The following ZSWIM5 variants were observed in gnomAD, a reference collection of about 807,000 sequenced individuals.
The protein encoded by ZSWIM5 is zinc finger SWIM domain-containing protein 5.
In ZSWIM5, 55 loss-of-function variants were observed where a neutral mutation model predicts 119.6. The observed-to-expected ratio is 0.46, with a 90% confidence interval of 0.37 to 0.58. The LOEUF is 0.58. Among genes scored for constraint, ZSWIM5 ranks in the 20% least tolerant of loss-of-function variants. The pLI is 0.00. For synonymous variants in ZSWIM5, 537 were observed against 606.9 expected (o/e 0.88, Z 1.69); for missense variants, 1,193 against 1,512.8 (o/e 0.79, Z 3.51).
chr1:45,106,572 C>T (rs1645480634), intron 1 of ZSWIM5, among the ~76,000 whole-genome samples: 2 of 150,590 alleles, frequency 1.3e-5, no homozygotes, highest in South Asian at 4.3e-4. Context: ...GCCCAGCTGC[C>T]ACCCTGTCTG....
chr1:45,053,736 C>T lies in ZSWIM5; in HGVS notation c.1253-2483G>A, dbSNP rs146289106. ...CAAGATTGAACTACTGCACTCCAGC[C>T]TGGGCGACAGAGCGAGACTCTGTTT... is the stretch of plus-strand genomic sequence containing the variant. On this transcript the variant is annotated intron_variant, in intron 4 of 13. Coordinates refer to ENST00000359600, the MANE Select transcript of ZSWIM5 (RefSeq NM_020883.2). 7.9e-3 allele frequency among the ~76,000 whole-genome samples: 933 copies of T among 117,686 alleles called. 13 individuals carry two copies. Among genetic ancestry groups the T allele is most frequent in the African/African-American group, 0.029 (908 of 31,012 alleles). The allele number at this position is 117,686 out of a possible 152,430, so 77.2% of individuals were successfully genotyped here.
chr1:45,028,860 ATTAC>A (rs2148989037), intron 11 of ZSWIM5, among the ~76,000 whole-genome samples: 1 of 152,300 alleles, frequency 6.6e-6, no homozygotes, highest in African/African-American at 2.4e-5. Context: ...AGGTGGGAGG[ATTAC>A]TTGAGGCCAG....
At chr1:45,061,582 G>T (rs1295596471) in intron 2 of ZSWIM5, among the ~76,000 whole-genome samples, 1 of 151,446 alleles carries the variant, frequency 6.6e-6, no homozygotes, top group Non-Finnish European at 1.5e-5. Context: ...TGTTGGCCAG[G>T]CTGGTCTCAA....
chr1:45,019,188 G>A lies in ZSWIM5; in HGVS notation c.2824C>T (p.Gln942Ter). The change falls in exon 14 of 14, where the codon CAG becomes TAG. Residue 942 changes from glutamine to a stop codon, truncating the protein, a stop_gained. Transcript: ENST00000359600. LOFTEE classifies it high-confidence loss of function. The surrounding 1 kb of genome is among the most constrained non-coding windows in gnomAD (Gnocchi z 5.0). ...TILRLSLDYP[Q>*]REELASCART... ...GCACAGCTAGCCAGTTCCTCCCGCT[G>A]TGGATAGTCAAGACTGAGGCGCAGG... The A allele has an allele frequency of 6.2e-7, 1 of 1,613,712 alleles. No individual in the cohort carries two copies. The highest frequency in any genetic ancestry group is 1.1e-5 in the South Asian group (1 of 91,054).
chr1:45,073,311 T>C (rs547386387), intron 2 of ZSWIM5, among the ~76,000 whole-genome samples: 36 of 137,330 alleles, frequency 2.6e-4, no homozygotes, highest in Non-Finnish European at 4.6e-4. Context: ...TGGCTGGAGT[T>C]GCAGTGGCAC....
rs558640581 is a variant in ZSWIM5, at chr1:45,081,917, C to T, written c.952+5964G>A. On this transcript the variant is annotated intron_variant, in intron 2 of 13. Transcript: ENST00000359600. ...AAAGGTGGGGAAAAGATTGAGAAAT[C>T]GGATGGTTGCCGTGTCTGTGTAGAA... is the stretch of plus-strand genomic sequence containing the variant. Among the ~76,000 whole-genome samples, 703 of 152,018 alleles carry T rather than the reference C, an allele frequency of 4.6e-3. 8 individuals carry two copies. The highest frequency in any genetic ancestry group is 0.016 in the African/African-American group (664 of 41,450).
At chr1:45,094,166 C>T (rs1309604956) in intron 1 of ZSWIM5, among the ~76,000 whole-genome samples, 2 of 151,846 alleles carry the variant, frequency 1.3e-5, no homozygotes, top group African/African-American at 4.8e-5. Context: ...AGTGATTCTC[C>T]CACCTCAGCC....
rs1394852225 is a variant in ZSWIM5, at chr1:45,206,110, G to A, written c.241C>T (p.Arg81Trp). ...ATCCGCTCGAAGCGCTCCTCCACCCGTTCGTATGCCCACTTTTCCGCCACC... is the reference window on the plus strand; with the variant it reads ...ATCCGCTCGAAGCGCTCCTCCACCCATTCGTATGCCCACTTTTCCGCCACC... ...KTVAEKWAYERVEERFERIPE... is the reference protein window; with the variant it reads ...KTVAEKWAYEWVEERFERIPE... The change falls in exon 1 of 14, where the codon CGG becomes TGG. Residue 81 changes from arginine (R) to tryptophan (W), a missense_variant. Physicochemically the swap from Arg to Trp is moderately radical, Grantham distance 101. Transcript: ENST00000359600. The A allele has an allele frequency of 1.2e-6, 2 of 1,611,502 alleles. No homozygotes were observed. The highest frequency in any genetic ancestry group is 2.7e-5 in the African/African-American group (2 of 74,804).
At chr1:45,070,653 C>A (rs1645216365) in intron 2 of ZSWIM5, among the ~76,000 whole-genome samples, 1 of 151,976 alleles carries the variant, frequency 6.6e-6, no homozygotes, top group Admixed American at 6.6e-5. Flanking sequence ...TTTGTATTTC[C>A]CCCAAATTGT....
intron 4 of ZSWIM5, among the ~76,000 whole-genome samples, chr1:45,052,206 A>C (rs917549171): frequency 6.7e-6 from 1 of 149,570 alleles, no homozygotes; most frequent in African/African-American, 2.5e-5. Flanking sequence ...TTGTATTTTT[A>C]GTAGAGATGA....
Position 45,196,211 on chromosome 1 carries a change from C to T in ZSWIM5, c.595+9545G>A, listed in dbSNP as rs142686728. Among the ~76,000 whole-genome samples, 313 of 151,176 alleles carry T rather than the reference C, an allele frequency of 2.1e-3. 4 individuals are homozygous for T. The highest frequency in any genetic ancestry group is 6.8e-3 in the Middle Eastern group (2 of 292). ...TTTCTACAACGGCATTTCTCAACCT[C>T]GGCTGCATATAAAATTACCTGGGAG... On this transcript the variant is annotated intron_variant, in intron 1 of 13. Coordinates refer to ENST00000359600, the MANE Select transcript of ZSWIM5 (RefSeq NM_020883.2).
At chr1:45,167,027 C>T (rs1306287624) in intron 1 of ZSWIM5, among the ~76,000 whole-genome samples, 1 of 152,046 alleles carries the variant, frequency 6.6e-6, no homozygotes, top group East Asian at 1.9e-4. Flanking sequence ...CAATCCTAAG[C>T]CAAAAGAACA....
Position 45,206,098 on chromosome 1 carries a change from G to C in ZSWIM5, c.253C>G (p.Arg85Gly). ...ACGGGCTCCGGGATCCGCTCGAAGC[G>C]CTCCTCCACCCGTTCGTATGCCCAC... The part of the protein sequence containing the change: ...EKWAYERVEE[R>G]FERIPEPVQR... Residue 85 changes from arginine to glycine, a missense_variant, in exon 1 of 14, where the codon CGC becomes GGC. This residue lies in a region of ZSWIM5 where 232 missense variants were observed against 222.9 expected (regional missense o/e 1.04). Transcript: ENST00000359600. 6.2e-7 allele frequency: 1 copy of C among 1,611,736 alleles called. No homozygotes were observed. The highest frequency in any genetic ancestry group is 8.5e-7 in the Non-Finnish European group (1 of 1,179,396).
In ZSWIM5 at chr1:45,088,157, C is replaced by T. The variant is rs1420616005; in HGVS notation, c.676G>A (p.Asp226Asn). The change falls in exon 2 of 14, where the codon GAT (aspartate) becomes AAT (asparagine). Residue 226 changes from aspartate (D) to asparagine (N), a missense_variant. Transcript: ENST00000359600. The surrounding 1 kb of genome is among the most constrained non-coding windows in gnomAD (Gnocchi z 4.2). ...AVTYKVAISFDRCKITSVTCG... is the reference protein window; with the variant it reads ...AVTYKVAISFNRCKITSVTCG... The stretch of plus-strand genomic sequence containing the variant: ...GTCACTGAGGTGATTTTGCATCGAT[C>T]AAAACTGATTGCAACTTTATAAGTC... 1.2e-5 allele frequency: 19 copies of T among 1,614,024 alleles called. No individual in the cohort carries two copies. The highest frequency in any genetic ancestry group is 1.7e-5 in the Admixed American group (1 of 60,006).
intron 1 of ZSWIM5, among the ~76,000 whole-genome samples, chr1:45,187,297 C>G (rs1646064986): frequency 6.6e-6 from 1 of 152,056 alleles, no homozygotes; most frequent in Non-Finnish European, 1.5e-5. Context: ...GAAATAAACT[C>G]ATTTATGGTT....
chr1:45,138,866 T>C (rs1345929885), intron 1 of ZSWIM5, among the ~76,000 whole-genome samples: 1 of 151,764 alleles, frequency 6.6e-6, no homozygotes, highest in African/African-American at 2.4e-5. Flanking sequence ...TCATCAATAG[T>C]AGAAATTTCG....
intron 1 of ZSWIM5, among the ~76,000 whole-genome samples, chr1:45,141,203 CCT>C (rs1645724705): frequency 6.6e-6 from 1 of 152,202 alleles, no homozygotes; most frequent in South Asian, 2.1e-4. Context: ...GGGAGACTTT[CCT>C]CTCTTTTGGT....
chr1:45,136,257 G>C (rs1395588145), intron 1 of ZSWIM5, among the ~76,000 whole-genome samples: 2 of 151,986 alleles, frequency 1.3e-5, no homozygotes, highest in Non-Finnish European at 2.9e-5. Context: ...CTTCCTTTCA[G>C]CCAGCTACAT....
chr1:45,040,197 C>T (rs569282552), intron 7 of ZSWIM5, among the ~76,000 whole-genome samples, 195 bp downstream of exon 7: 2 of 152,194 alleles, frequency 1.3e-5, no homozygotes, highest in African/African-American at 4.8e-5. Context: ...CTTCTAACTG[C>T]CTTATGAGGG....
Sources: allele counts gnomAD v4.1 joint callset (sites outside exome capture counted in the v4.1 genomes callset), GRCh38; gene constraint gnomAD v4.1.1; regional missense constraint gnomAD v4.1.1; non-coding constraint Gnocchi (gnomAD v3.1); transcripts MANE v1.5; gene names NCBI Gene and HGNC (gene_info 2026-07-23, HGNC 2026-07-21).